MGMT: variants seen among roughly 807,000 people sequenced by gnomAD.
The protein encoded by MGMT is methylated-DNA--protein-cysteine methyltransferase.
MGMT carries 14 observed loss-of-function variants against 15.9 expected under a neutral mutation model. The observed-to-expected ratio is 0.88, with a 90% CI of 0.58 to 1.37. MGMT has a LOEUF of 1.37. Among genes scored for constraint, MGMT ranks in the 40% most tolerant of loss-of-function variants. MGMT has a pLI of 0.00. For synonymous variants in MGMT, 130 were observed against 118.2 expected (o/e 1.10, Z -0.65); for missense variants, 282 against 268.1 (o/e 1.05, Z -0.36).
At chr10:129,633,402 C>A (rs1847232805) in intron 2 of MGMT, among the ~76,000 whole-genome samples, 2 of 152,110 alleles carry the variant, frequency 1.3e-5, no homozygotes, top group Non-Finnish European at 2.9e-5. Context: ...AAAGAGCAGG[C>A]ACATTAGAGT....
chr10:129,488,002 T>TGTACACACAC (rs1554902777), intron 1 of MGMT, among the ~76,000 whole-genome samples: 3 of 75,786 alleles, frequency 4.0e-5, no homozygotes, highest in Non-Finnish European at 8.6e-5. Flanking sequence ...CACACATAGG[T>TGTACACACAC]ATACACACAC....
At chr10:129,530,258 G>A (rs11016831) in intron 1 of MGMT, among the ~76,000 whole-genome samples, 53,629 of 152,074 alleles carry the variant, frequency 0.35, 9,826 homozygotes, top group Non-Finnish European at 0.39. Context: ...CGTACTAACT[G>A]TAGAAAGCTG....
In MGMT at chr10:129,770,839, G is replaced by A. The variant is rs1848991981; in HGVS notation, c.*3842G>A. 6.6e-6 allele frequency among the ~76,000 whole-genome samples: 1 copy of A among 151,918 alleles called. No individual in the cohort carries two copies. Among genetic ancestry groups the A allele is most frequent in the Admixed American group, 6.6e-5 (1 of 15,252 alleles). ...TGCATGTCTTCTTGTTGCCATCGGG[G>A]CAGTGGAGTCCCCGGAAACAGTCCA... On this transcript the variant is annotated 3_prime_UTR_variant, in exon 5 of 5. Transcript: ENST00000651593.
chr10:129,720,937 A>AG (rs35805232), intron 3 of MGMT, among the ~76,000 whole-genome samples: 20 of 126,514 alleles, frequency 1.6e-4, no homozygotes, highest in African/African-American at 2.4e-4. Flanking sequence ...TTTAAATGTC[A>AG]GGGGGAAAAA....
intron 2 of MGMT, among the ~76,000 whole-genome samples, chr10:129,677,168 G>C (rs1285602210): frequency 1.2e-5 from 1 of 86,234 alleles, no homozygotes; most frequent in Non-Finnish European, 2.0e-5. Context: ...TGAAACACAT[G>C]TGTTTTTTTT....
At chr10:129,508,655 C>T (rs865781045) in intron 1 of MGMT, among the ~76,000 whole-genome samples, 2 of 151,888 alleles carry the variant, frequency 1.3e-5, no homozygotes, top group Middle Eastern at 6.8e-3. Context: ...AAGTGATTCT[C>T]CTGCCTCAGC....
rs978200296 is a variant in MGMT at position 129,659,691 on chromosome 10, A to G, written c.126-48204A>G. Among the ~76,000 whole-genome samples the G allele has an allele frequency of 6.6e-6, 1 of 152,242 alleles. No individual in the cohort carries two copies. Among genetic ancestry groups the G allele is most frequent in the African/African-American group, 2.4e-5 (1 of 41,470 alleles). On this transcript the variant is annotated intron_variant, in intron 2 of 4. Coordinates refer to ENST00000651593, the MANE Select transcript of MGMT (RefSeq NM_002412.5). The surrounding 1 kb of genome is among the most constrained non-coding windows in gnomAD (Gnocchi z 4.1). Reference sequence around the variant, plus strand: ...GAGCAGTTTAGCCCGAAAATATTCCATGAGTAGCTGCCAGGAGAGCTTTTC... The same window carrying G: ...GAGCAGTTTAGCCCGAAAATATTCCGTGAGTAGCTGCCAGGAGAGCTTTTC...
chr10:129,608,579 T>G (rs770470238), intron 2 of MGMT, among the ~76,000 whole-genome samples: 1 of 152,386 alleles, frequency 6.6e-6, no homozygotes, highest in East Asian at 1.9e-4. Context: ...AAAAGTTTTA[T>G]TTATATTAAA....
intron 2 of MGMT, among the ~76,000 whole-genome samples, chr10:129,626,510 C>T (rs993124486): frequency 3.3e-5 from 5 of 152,142 alleles, no homozygotes; most frequent in African/African-American, 9.7e-5. Flanking sequence ...CCGAGCCCCG[C>T]GGCATGTTCT....
chr10:129,709,371 G>T (rs1019258440), intron 3 of MGMT, among the ~76,000 whole-genome samples: 2 of 152,228 alleles, frequency 1.3e-5, no homozygotes, highest in African/African-American at 2.4e-5. Flanking sequence ...CACCTGATGG[G>T]CCGGGCACAG....
chr10:129,524,289 A>G (rs1463957306), intron 1 of MGMT, among the ~76,000 whole-genome samples: 2 of 152,008 alleles, frequency 1.3e-5, no homozygotes, highest in Non-Finnish European at 2.9e-5. Context: ...AACAAAAACA[A>G]CTTGTAATTT....
At chr10:129,544,486 G>A (rs970318028) in intron 2 of MGMT, among the ~76,000 whole-genome samples, 7 of 152,222 alleles carry the variant, frequency 4.6e-5, no homozygotes, top group Admixed American at 4.6e-4. Flanking sequence ...ACAGTATCCT[G>A]TCTAGGATTC....
At chr10:129,760,502 G>T (rs1022696383) in intron 4 of MGMT, among the ~76,000 whole-genome samples, 6 of 152,190 alleles carry the variant, frequency 3.9e-5, no homozygotes, top group Non-Finnish European at 8.8e-5. Flanking sequence ...TTGAAAAATT[G>T]CTGTGGCTTT....
rs375381216 is a variant in MGMT, at chr10:129,743,278, G to A, written c.275-15924G>A. Reference sequence around the variant, plus strand: ...GTTCCACTGGTGCTTGCCGGCGAACGCCACCATTTTTTGCAGCATATCTCA... The same window carrying A: ...GTTCCACTGGTGCTTGCCGGCGAACACCACCATTTTTTGCAGCATATCTCA... On this transcript the variant is annotated intron_variant, in intron 3 of 4. Coordinates refer to ENST00000651593, the MANE Select transcript of MGMT (RefSeq NM_002412.5). Among the ~76,000 whole-genome samples the A allele has an allele frequency of 1.5e-4, 23 of 152,314 alleles. No individual in the cohort carries two copies. The South Asian group carries it at 3.9e-3, about 26-fold the overall frequency.
chr10:129,678,293 CTGCAGG>C (rs1847808560), intron 2 of MGMT, among the ~76,000 whole-genome samples: 1 of 152,250 alleles, frequency 6.6e-6, no homozygotes, highest in Non-Finnish European at 1.5e-5. Flanking sequence ...CTTTCAGTTC[CTGCAGG>C]TGCAGGAGCT....
chr10:129,742,905 C>G (rs1230312781), intron 3 of MGMT, among the ~76,000 whole-genome samples: 5 of 140,114 alleles, frequency 3.6e-5, no homozygotes, highest in South Asian at 2.4e-4. Flanking sequence ...GCATTCAGCA[C>G]TGCCCCACCA....
chr10:129,721,580 G>T (rs928332986), intron 3 of MGMT, among the ~76,000 whole-genome samples: 1 of 152,162 alleles, frequency 6.6e-6, no homozygotes, highest in Non-Finnish European at 1.5e-5. Context: ...GTATTTTGTA[G>T]TTTATAATAC....
chr10:129,657,491 G>A (rs764530351), intron 2 of MGMT, among the ~76,000 whole-genome samples: 18 of 152,048 alleles, frequency 1.2e-4, no homozygotes, highest in Non-Finnish European at 1.9e-4. Flanking sequence ...TGGGGCAGGC[G>A]TGAGACAGAA....
At chr10:129,557,065 G>A (rs950619871) in intron 2 of MGMT, among the ~76,000 whole-genome samples, 23 of 152,162 alleles carry the variant, frequency 1.5e-4, no homozygotes, top group Admixed American at 5.9e-4. Flanking sequence ...TCATTAATTC[G>A]TGGTCCCTGG....
Sources: gnomAD v4.1 joint callset for allele counts (sites outside exome capture counted in the v4.1 genomes callset) on GRCh38, gnomAD v4.1.1 for gene constraint, Gnocchi (gnomAD v3.1) non-coding constraint, MANE v1.5 for transcripts, NCBI Gene and HGNC (gene_info 2026-07-23, HGNC 2026-07-21) for gene names.